The following RBFOX1 variants were observed in gnomAD, a reference collection of about 807,000 sequenced individuals.
RBFOX1 encodes RNA binding fox-1 homolog 1, also known as RNA binding protein fox-1 homolog 1.
RBFOX1 carries 8 observed loss-of-function variants against 57.7 expected under a neutral mutation model. The observed-to-expected ratio is 0.14, with a 90% CI of 0.08 to 0.25. RBFOX1 has a LOEUF of 0.25. RBFOX1 is among the 10% of genes least tolerant of loss of function. The pLI is 1.00. For synonymous variants in RBFOX1, 326 were observed against 222.4 expected, an observed-to-expected ratio of 1.47 and a Z score of -4.15; for missense variants, 611 against 548.5, an observed-to-expected ratio of 1.11 and a Z score of -1.14.
intron 3 of RBFOX1, among the ~76,000 whole-genome samples, chr16:6,662,133 G>T (rs920279329): frequency 8.0e-3 from 157 of 19,578 alleles, no homozygotes; most frequent in African/African-American, 0.018. Context: ...GGCTGGGGGC[G>T]GGGTGAAAAA....
chr16:5,337,298 G>C (rs1268537021), intron 1 of RBFOX1, among the ~76,000 whole-genome samples: 1 of 152,204 alleles, frequency 6.6e-6, no homozygotes, highest in African/African-American at 2.4e-5. Flanking sequence ...TTTTGTAAAA[G>C]TGTACAGGTG....
intron 1 of RBFOX1, among the ~76,000 whole-genome samples, chr16:5,280,442 G>A (rs1193230413): frequency 1.3e-5 from 2 of 152,114 alleles, no homozygotes; most frequent in African/African-American, 4.8e-5. Flanking sequence ...GGGTAGTGCT[G>A]GCCTTATACA....
At chr16:6,874,030 T>A (rs1299343496) in intron 3 of RBFOX1, 1 of 152,132 alleles carries the variant, frequency 6.6e-6, no homozygotes, top group Non-Finnish European at 1.5e-5. Context: ...TACCTGTTGA[T>A]CCATTATCTA....
intron 1 of RBFOX1, among the ~76,000 whole-genome samples, chr16:6,162,009 T>C (rs7199489): frequency 0.19 from 29,001 of 152,170 alleles, 5,499 homozygotes; most frequent in African/African-American, 0.49. Flanking sequence ...CTTTTTTTCT[T>C]AGTTATTAAC....
intron 3 of RBFOX1, among the ~76,000 whole-genome samples, chr16:6,992,248 C>G (rs1382394449): frequency 6.6e-6 from 1 of 151,708 alleles, no homozygotes; most frequent in African/African-American, 2.4e-5. Context: ...ACTGCAGCCT[C>G]TGCCTCCCGG....
chr16:6,908,846 T>G (rs2070785048), intron 3 of RBFOX1, among the ~76,000 whole-genome samples: 1 of 152,164 alleles, frequency 6.6e-6, no homozygotes, highest in Admixed American at 6.5e-5. Context: ...ACAAGGCTAT[T>G]GTGGGGACTA....
intron 2 of RBFOX1, among the ~76,000 whole-genome samples, chr16:5,545,338 A>C (rs1021220225): frequency 6.6e-6 from 1 of 152,156 alleles, no homozygotes; most frequent in African/African-American, 2.4e-5. Flanking sequence ...TATTCCAGGA[A>C]ATTGAAGAGG....
At chr16:6,792,273 A>T (rs976379731) in intron 3 of RBFOX1, among the ~76,000 whole-genome samples, 1 of 152,218 alleles carries the variant, frequency 6.6e-6, no homozygotes, top group African/African-American at 2.4e-5. Context: ...AATTGTGAAG[A>T]TTACATAAAT....
intron 2 of RBFOX1, among the ~76,000 whole-genome samples, chr16:6,447,016 A>G (rs1017871616): frequency 6.6e-6 from 1 of 152,178 alleles, no homozygotes; most frequent in South Asian, 2.1e-4. Flanking sequence ...ACTCTTTGTC[A>G]TTTTAATGAA....
At chr16:7,495,850 T>A (rs2068457617) in intron 4 of RBFOX1, among the ~76,000 whole-genome samples, 2 of 152,186 alleles carry the variant, frequency 1.3e-5, no homozygotes, top group African/African-American at 4.8e-5. Context: ...CAAAAACCAA[T>A]TGAAATAAAA....
intron 4 of RBFOX1, among the ~76,000 whole-genome samples, chr16:7,490,256 A>G (rs1384630901): frequency 1.3e-5 from 2 of 152,184 alleles, no homozygotes; most frequent in Non-Finnish European, 2.9e-5. Context: ...TGTCTCTCCA[A>G]GAGCTCAGGC....
intron 1 of RBFOX1, among the ~76,000 whole-genome samples, chr16:5,253,252 C>A (rs561045174): frequency 4.6e-5 from 7 of 151,888 alleles, no homozygotes; most frequent in African/African-American, 1.5e-4. Context: ...CGGGTTCAAG[C>A]GATTCTCCTG....
chr16:5,724,502 C>T (rs1055805930), intron 3 of RBFOX1, among the ~76,000 whole-genome samples: 14 of 152,050 alleles, frequency 9.2e-5, no homozygotes, highest in African/African-American at 3.4e-4. Flanking sequence ...AGGGTTTGAA[C>T]CCAGGACCCA....
intron 4 of RBFOX1, among the ~76,000 whole-genome samples, chr16:7,486,289 G>C (rs868097206): frequency 6.7e-6 from 1 of 150,108 alleles, no homozygotes; most frequent in Non-Finnish European, 1.5e-5. Context: ...CTGCCACCAC[G>C]CCTGGTTCAT....
At chr16:5,261,261 AG>A (rs2062724571) in intron 1 of RBFOX1, among the ~76,000 whole-genome samples, 1 of 152,140 alleles carries the variant, frequency 6.6e-6, no homozygotes. Flanking sequence ...CTGCAATCAT[AG>A]TCCTATTTTT....
chr16:7,698,343 T>C (rs1239308714), intron 14 of RBFOX1, among the ~76,000 whole-genome samples: 1 of 152,022 alleles, frequency 6.6e-6, no homozygotes, highest in East Asian at 1.9e-4. Flanking sequence ...CTGATGAGTA[T>C]GGGACACAAC....
intron 4 of RBFOX1, among the ~76,000 whole-genome samples, chr16:7,388,038 G>T (rs56198081): frequency 0.081 from 12,239 of 151,380 alleles, 523 homozygotes; most frequent in East Asian, 0.19. Context: ...CCTTTTTTTT[G>T]TTTTGCTTTT....
chr16:6,311,633 C>T lies in RBFOX1; in HGVS notation c.-126-5362C>T, dbSNP rs562021960. The stretch of plus-strand genomic sequence containing the variant: ...ACGTATTGCTTCTGAGGCTGGAGTT[C>T]AGGGTGCAGAGATCTTCAGTGAGTC... On this transcript the variant is annotated intron_variant, in intron 1 of 15. Transcript: ENST00000550418. Among the ~76,000 whole-genome samples the T allele has an allele frequency of 1.6e-4, 25 of 152,312 alleles. No homozygotes were observed. The Middle Eastern group carries it at 0.02, about 124-fold the overall frequency.
intron 1 of RBFOX1, among the ~76,000 whole-genome samples, chr16:5,400,253 G>A (rs1161266506): frequency 6.6e-6 from 1 of 151,814 alleles, no homozygotes; most frequent in African/African-American, 2.4e-5. Flanking sequence ...CACCACACCC[G>A]GCTGATTTTT....
Sources: allele counts gnomAD v4.1 joint callset (sites outside exome capture counted in the v4.1 genomes callset), GRCh38; gene constraint gnomAD v4.1.1; transcripts MANE v1.5; gene names NCBI Gene and HGNC (gene_info 2026-07-23, HGNC 2026-07-21).